Variants in IKZF2 observed in about 807,000 individuals in gnomAD.
IKZF2 encodes the protein zinc finger protein Helios.
A neutral mutation model predicts 49.2 loss-of-function variants in IKZF2; 15 were observed. The ratio of observed to expected loss-of-function variants is 0.30; its 90% CI spans 0.20 to 0.47. IKZF2 has a LOEUF of 0.47. Among genes scored for constraint, IKZF2 ranks in the 20% least tolerant of loss-of-function variants. The pLI, the probability that IKZF2 is intolerant of heterozygous loss-of-function variation, is 1.00. For missense variants in IKZF2, 567 were observed against 664.6 expected, an observed-to-expected ratio of 0.85 and a Z score of 1.61; for synonymous variants, 227 against 221.4, an observed-to-expected ratio of 1.03 and a Z score of -0.23.
rs1301777457 is a variant in IKZF2, at chr2:213,096,971, A to G, written c.140-39872T>C. ...AGTGTATTTATTTCATTGATTGGAA[A>G]TAAATTTGTCGCGTTAATTATTAAT... On this transcript the variant is annotated intron_variant, in intron 4 of 8. Coordinates refer to ENST00000434687, the MANE Select transcript of IKZF2 (RefSeq NM_001387220.1). 2.6e-5 allele frequency among the ~76,000 whole-genome samples: 4 copies of G among 152,112 alleles called. No individual in the cohort carries two copies. The East Asian group carries it at 7.7e-4, about 29-fold the overall frequency.
chr2:213,098,240 C>G (rs1706246714), intron 4 of IKZF2, among the ~76,000 whole-genome samples: 1 of 151,988 alleles, frequency 6.6e-6, no homozygotes, highest in Non-Finnish European at 1.5e-5. Flanking sequence ...AGTTGAGAAC[C>G]ACCATTCTAC....
chr2:213,138,903 T>A (rs2060772107), intron 4 of IKZF2, among the ~76,000 whole-genome samples: 1 of 151,964 alleles, frequency 6.6e-6, no homozygotes, highest in Non-Finnish European at 1.5e-5. Flanking sequence ...AACTTAAGGA[T>A]CTTTCCTAGG....
At chr2:213,096,954 T>C (rs879426883) in intron 4 of IKZF2, among the ~76,000 whole-genome samples, 3 of 152,034 alleles carry the variant, frequency 2.0e-5, no homozygotes, top group Non-Finnish European at 2.9e-5. Flanking sequence ...AAAGTGTATT[T>C]ATTTCATTGA....
chr2:213,067,515 T>C (rs1480155667), intron 4 of IKZF2, among the ~76,000 whole-genome samples: 1 of 152,088 alleles, frequency 6.6e-6, no homozygotes, highest in Non-Finnish European at 1.5e-5. Context: ...ATAGAACATA[T>C]CCTAAAACCA....
intron 4 of IKZF2, among the ~76,000 whole-genome samples, chr2:213,067,626 A>AGCTTCTATTTACCC (rs1702283787): frequency 6.6e-6 from 1 of 152,176 alleles, no homozygotes; most frequent in Non-Finnish European, 1.5e-5. Context: ...ACAACCAAGT[A>AGCTTCTATTTACCC]TGAAGAACTC....
intron 4 of IKZF2, among the ~76,000 whole-genome samples, chr2:213,079,082 G>T (rs1350429899): frequency 6.6e-6 from 1 of 152,032 alleles, no homozygotes; most frequent in Non-Finnish European, 1.5e-5. Context: ...AGGGGGAGAA[G>T]GTCTATAAAG....
chr2:213,025,888 G>A (rs117377978), intron 6 of IKZF2, among the ~76,000 whole-genome samples: 28 of 152,036 alleles, frequency 1.8e-4, no homozygotes, highest in Middle Eastern at 3.4e-3. Context: ...TACTGGACTC[G>A]TAAAATGATT....
At chr2:213,152,447 T>C (rs2061307443), upstream of IKZF2, 1 of 152,254 alleles carries the variant, frequency 6.6e-6, no homozygotes, top group Admixed American at 6.5e-5. Context: ...GCTCAACTAT[T>C]ACTATTTTGA....
intron 5 of IKZF2, among the ~76,000 whole-genome samples, chr2:213,054,718 T>C (rs1250932781): frequency 6.6e-6 from 1 of 152,236 alleles, no homozygotes; most frequent in East Asian, 1.9e-4. Flanking sequence ...TAAACACTGA[T>C]TGACAAAAAA....
rs1695559050 is a variant in IKZF2, at chr2:213,008,180, G to A, written c.857-96C>T. 5.2e-6 allele frequency: 7 copies of A among 1,340,484 alleles called. No homozygotes were observed. In the South Asian group the frequency reaches 9.5e-5, roughly 18 times the overall value. 83.0% of individuals were successfully genotyped at this position (1,340,484 alleles called of 1,614,324 possible). ...AATATGAAAGGGTACGAAGTTGACT[G>A]ATTGCCTCCATTTTTCATAATTTGG... On this transcript the variant is annotated intron_variant, in intron 8 of 8. Transcript: ENST00000434687.
At chr2:213,097,269 A>G (rs1266464620) in intron 4 of IKZF2, among the ~76,000 whole-genome samples, 1 of 151,980 alleles carries the variant, frequency 6.6e-6, no homozygotes, top group African/African-American at 2.4e-5. Flanking sequence ...ATTGATATAA[A>G]ATATTTCAAA....
chr2:213,135,978 AG>A (rs2060644901), intron 4 of IKZF2, among the ~76,000 whole-genome samples: 1 of 148,544 alleles, frequency 6.7e-6, no homozygotes, highest in Non-Finnish European at 1.5e-5. Flanking sequence ...TGAACCCAGG[AG>A]GCGGAGGTTG....
intron 4 of IKZF2, among the ~76,000 whole-genome samples, chr2:213,129,414 C>T (rs938992352): frequency 1.3e-5 from 2 of 149,990 alleles, no homozygotes; most frequent in Non-Finnish European, 3.0e-5. Context: ...AGGAAGAAAA[C>T]GTGTCCCAAA....
intron 4 of IKZF2, among the ~76,000 whole-genome samples, chr2:213,060,360 C>T (rs935201656): frequency 6.6e-6 from 1 of 151,306 alleles, no homozygotes; most frequent in African/African-American, 2.4e-5. Flanking sequence ...TTCGTAGCTA[C>T]ACTATATGAT....
At chr2:213,093,587 T>C (rs1379889270) in intron 4 of IKZF2, among the ~76,000 whole-genome samples, 2 of 152,226 alleles carry the variant, frequency 1.3e-5, no homozygotes, top group African/African-American at 4.8e-5. Flanking sequence ...TACTTATATA[T>C]GTGCTTACAT....
chr2:213,112,009 G>A (rs1460128796), intron 4 of IKZF2, among the ~76,000 whole-genome samples: 2 of 152,070 alleles, frequency 1.3e-5, no homozygotes, highest in Non-Finnish European at 2.9e-5. Context: ...TAAAGGACAA[G>A]AGGCCAAGCC....
chr2:213,071,851 T>C (rs184812481), intron 4 of IKZF2, among the ~76,000 whole-genome samples: 106 of 152,128 alleles, frequency 7.0e-4, no homozygotes, highest in Non-Finnish European at 1.3e-3. Flanking sequence ...TATATAATTG[T>C]CTTTTTTCAC....
At chr2:213,132,237 A>T in intron 4 of IKZF2, among the ~76,000 whole-genome samples, 1 of 151,976 alleles carries the variant, frequency 6.6e-6, no homozygotes, top group Non-Finnish European at 1.5e-5. Context: ...GCCCTCAAGG[A>T]GTTTCCAGTC....
chr2:213,086,447 T>C (rs1470402460), intron 4 of IKZF2, among the ~76,000 whole-genome samples: 1 of 152,134 alleles, frequency 6.6e-6, no homozygotes, highest in East Asian at 1.9e-4. Context: ...TAAAATAAGC[T>C]CTAAATTTCT....
Sources: gnomAD v4.1 joint callset for allele counts (sites outside exome capture counted in the v4.1 genomes callset) on GRCh38, gnomAD v4.1.1 for gene constraint, MANE v1.5 for transcripts, NCBI Gene and HGNC (gene_info 2026-07-23, HGNC 2026-07-21) for gene names.